The following SEC23IP variants were observed in gnomAD, a reference collection of about 807,000 sequenced individuals.
SEC23IP encodes the protein SEC23 interacting protein, also known as SEC23-interacting protein.
In SEC23IP, 70 loss-of-function variants were observed where a neutral mutation model predicts 113.4. That is an observed-to-expected ratio of 0.62 (90% CI 0.51 to 0.75). The LOEUF (loss-of-function observed/expected upper bound fraction) is 0.75. Ranked by LOEUF, SEC23IP falls within the 30% of genes least tolerant of loss-of-function variation. The pLI is 0.00. For synonymous variants in SEC23IP, 398 were observed against 421.0 expected (o/e 0.95, Z 0.67); for missense variants, 1,160 against 1,204.9 (o/e 0.96, Z 0.55).
intron 4 of SEC23IP, 89 bp from the exon 5 acceptor site, chr10:119,908,952 A>C: frequency 1.3e-6 from 1 of 792,004 alleles, no homozygotes; most frequent in Non-Finnish European, 2.1e-6. Context: ...TATTTTTATC[A>C]CCATTATAGT....
chr10:119,904,438 T>C, intron 4 of SEC23IP, 161 bp downstream of exon 4: 1 of 632,586 alleles, frequency 1.6e-6, no homozygotes, highest in Non-Finnish European at 2.8e-6. Flanking sequence ...TCATCACTCA[T>C]GAGGTGCTAA....
Position 119,943,949 on chromosome 10 carries a change from A to G in SEC23IP, c.*3384A>G, listed in dbSNP as rs935173353. 1.3e-5 allele frequency: 2 copies of G among 152,206 alleles called. No individual in the cohort carries two copies. Among genetic ancestry groups the G allele is most frequent in the Admixed American group, 6.5e-5 (1 of 15,282 alleles). 9.4% of individuals were successfully genotyped at this position (152,206 alleles called of 1,614,324 possible). On this transcript the variant is annotated 3_prime_UTR_variant, in exon 19 of 19. Coordinates refer to ENST00000369075, the MANE Select transcript of SEC23IP (RefSeq NM_007190.4). Reference sequence around the variant, plus strand: ...CATGTTTGTCTTTCATTTCTTGTATAAAGAGTGGTTTTTAAAAGACCTTAC... The same window carrying G: ...CATGTTTGTCTTTCATTTCTTGTATGAAGAGTGGTTTTTAAAAGACCTTAC...
At chr10:119,898,349 C>T (rs1854352752) in intron 1 of SEC23IP, 78 bp from the exon 2 acceptor site, 4 of 1,448,118 alleles carry the variant, frequency 2.8e-6, no homozygotes, top group Non-Finnish European at 3.6e-6. Context: ...AGTATAATTG[C>T]TAGCCCTTCC....
intron 18 of SEC23IP, among the ~76,000 whole-genome samples, chr10:119,936,982 G>A (rs1855810354): frequency 6.6e-6 from 1 of 151,700 alleles, no homozygotes; most frequent in African/African-American, 2.4e-5. Flanking sequence ...CCTCCTCCCG[G>A]GTTCATGCCA....
At chr10:119,931,391 G>A (rs1855594543) in intron 15 of SEC23IP, among the ~76,000 whole-genome samples, 1 of 150,368 alleles carries the variant, frequency 6.7e-6, no homozygotes, top group African/African-American at 2.4e-5. Flanking sequence ...ATAGAGACAG[G>A]GTCTCACTAT....
intron 4 of SEC23IP, among the ~76,000 whole-genome samples, chr10:119,905,960 A>C (rs1854647778): frequency 2.0e-5 from 3 of 152,144 alleles, no homozygotes; most frequent in African/African-American, 7.2e-5. Flanking sequence ...GGAACACTGA[A>C]GAACGTAAAA....
intron 4 of SEC23IP, among the ~76,000 whole-genome samples, chr10:119,908,145 G>A (rs1293130309): frequency 6.6e-6 from 1 of 152,154 alleles, no homozygotes; most frequent in African/African-American, 2.4e-5. Context: ...CTTGGATCCA[G>A]TGCCCTGCAG....
intron 16 of SEC23IP, 104 bp downstream of exon 16, chr10:119,932,422 A>T: frequency 1.2e-6 from 1 of 860,756 alleles, no homozygotes; most frequent in East Asian, 2.7e-5. Context: ...TTTTGGTTAA[A>T]TTATAGAAGC....
chr10:119,905,938 G>A (rs1006258911), intron 4 of SEC23IP, among the ~76,000 whole-genome samples: 20 of 151,944 alleles, frequency 1.3e-4, no homozygotes, highest in African/African-American at 4.4e-4. Context: ...GAAAAGTACC[G>A]GTAAACTTTA....
At chr10:119,928,869 G>C (rs1263264664) in intron 13 of SEC23IP, among the ~76,000 whole-genome samples, 2 of 152,240 alleles carry the variant, frequency 1.3e-5, no homozygotes, top group Non-Finnish European at 2.9e-5. Flanking sequence ...AGTTATAATA[G>C]TAACAGAAGT....
intron 15 of SEC23IP, 34 bp from the exon 16 acceptor site, chr10:119,932,098 CT>C: frequency 7.2e-7 from 1 of 1,393,726 alleles, no homozygotes; most frequent in Non-Finnish European, 1.0e-6. Context: ...TACCCAGTGA[CT>C]AATTAACTTG....
At chr10:119,917,719 C>G (rs1855099119) in intron 8 of SEC23IP, 117 bp from the exon 9 acceptor site, 2 of 703,500 alleles carry the variant, frequency 2.8e-6, no homozygotes, top group Admixed American at 2.8e-5. Context: ...AGAAACAACT[C>G]ATAGTCTGTG....
intron 15 of SEC23IP, 23 bp downstream of exon 15, chr10:119,930,454 AC>A: frequency 7.0e-7 from 1 of 1,429,486 alleles, no homozygotes; most frequent in East Asian, 2.3e-5. Flanking sequence ...TACTATAAAA[AC>A]TTTTTTTCCT....
At chr10:119,918,347 TAA>T in intron 9 of SEC23IP, 44 bp from the exon 10 acceptor site, 3 of 1,151,012 alleles carry the variant, frequency 2.6e-6, no homozygotes, top group Middle Eastern at 2.0e-4. Flanking sequence ...ATTAGTGTTA[TAA>T]AAGTACCTAC....
chr10:119,914,887 AT>A, intron 7 of SEC23IP, 68 bp downstream of exon 7: 1 of 1,431,900 alleles, frequency 7.0e-7, no homozygotes, highest in Non-Finnish European at 9.8e-7. Context: ...TGGAGTATTC[AT>A]TTTTAGGATA....
chr10:119,893,674 C>T (rs1331140438), intron 1 of SEC23IP, among the ~76,000 whole-genome samples: 1 of 151,978 alleles, frequency 6.6e-6, no homozygotes, highest in African/African-American at 2.4e-5. Context: ...CGTCTGCCAC[C>T]ATGCCTGGCT....
chr10:119,935,334 G>A (rs1855740513), intron 18 of SEC23IP, among the ~76,000 whole-genome samples: 2 of 152,088 alleles, frequency 1.3e-5, no homozygotes, highest in African/African-American at 4.8e-5. Context: ...GGTAGTAGGT[G>A]CCTGTAATCC....
At position 119,892,917 on chromosome 10, in the gene SEC23IP, T is replaced by C. The variant is rs1854139835; in HGVS notation, c.135T>C (p.Ala45=). The C allele has an allele frequency of 6.2e-7, 1 of 1,612,980 alleles. No individual in the cohort carries two copies. The highest frequency in any genetic ancestry group is 1.3e-5 in the African/African-American group (1 of 74,874). The part of the protein sequence containing the change: ...VPFIPVTQAS[A]SPASLLLPGE... Reference sequence around the variant, plus strand: ...TCATCCCAGTCACCCAGGCCTCCGCTTCTCCGGCCTCCCTGCTCTTACCGG... The same window carrying C: ...TCATCCCAGTCACCCAGGCCTCCGCCTCTCCGGCCTCCCTGCTCTTACCGG... Residue 45 remains alanine, a synonymous_variant, in exon 1 of 19, where the codon GCT becomes GCC. Coordinates refer to ENST00000369075, the MANE Select transcript of SEC23IP (RefSeq NM_007190.4).
chr10:119,899,296 T>G (rs1211750304), intron 2 of SEC23IP, among the ~76,000 whole-genome samples: 2 of 152,224 alleles, frequency 1.3e-5, no homozygotes, highest in African/African-American at 4.8e-5. Flanking sequence ...AGACTGCTAG[T>G]TTCTCATCTT....
Sources: gnomAD v4.1 joint callset for allele counts (sites outside exome capture counted in the v4.1 genomes callset) on GRCh38, gnomAD v4.1.1 for gene constraint, MANE v1.5 for transcripts, NCBI Gene and HGNC (gene_info 2026-07-23, HGNC 2026-07-21) for gene names.